The following PEAK1 variants were observed in gnomAD, a reference collection of about 807,000 sequenced individuals.
PEAK1 encodes the protein inactive tyrosine-protein kinase PEAK1.
PEAK1 carries 54 observed loss-of-function variants against 124.7 expected under a neutral mutation model. That is an observed-to-expected ratio of 0.43 (90% CI 0.35 to 0.54). PEAK1 has a LOEUF of 0.54. Ranked by LOEUF, PEAK1 falls within the 20% of genes least tolerant of loss-of-function variation. The pLI is 0.01. For missense variants in PEAK1, 2,046 were observed against 2,134.5 expected (o/e 0.96, Z 0.82); for synonymous variants, 719 against 760.0 (o/e 0.95, Z 0.89).
chr15:77,251,210 A>G (rs2060865723), intron 6 of PEAK1, among the ~76,000 whole-genome samples: 1 of 152,228 alleles, frequency 6.6e-6, no homozygotes, highest in Admixed American at 6.5e-5. Context: ...AATCTTTACA[A>G]AACATGCATT....
rs550659680 is a variant in PEAK1 at position 77,142,565 on chromosome 15, C to T, written c.3332-8815G>A. On this transcript the variant is annotated intron_variant, in intron 8 of 9. Transcript: ENST00000682557. ...AAAAAGTAGAAACAAACCAGATGTC[C>T]ATCACCTGATGAATGGATAAATTAA... 2.6e-5 allele frequency among the ~76,000 whole-genome samples: 4 copies of T among 152,284 alleles called. No individual in the cohort carries two copies. In the South Asian group the frequency reaches 8.3e-4, roughly 32 times the overall value.
At chr15:77,239,145 T>C (rs999200034) in intron 6 of PEAK1, among the ~76,000 whole-genome samples, 3 of 152,212 alleles carry the variant, frequency 2.0e-5, no homozygotes, top group South Asian at 2.1e-4. Flanking sequence ...AAGTTTCAAA[T>C]AGATATGTTT....
At chr15:77,335,850 C>T (rs998042480) in intron 2 of PEAK1, 1 of 985,184 alleles carries the variant, frequency 1.0e-6, no homozygotes, top group African/African-American at 1.7e-5. Flanking sequence ...TCCATTTTAC[C>T]AATTCAAAGA....
intron 6 of PEAK1, among the ~76,000 whole-genome samples, chr15:77,240,736 A>G (rs948827614): frequency 1.3e-5 from 2 of 152,118 alleles, no homozygotes; most frequent in African/African-American, 4.8e-5. Context: ...TCATTTAGAG[A>G]CCTAAACTAA....
intron 9 of PEAK1, among the ~76,000 whole-genome samples, chr15:77,127,806 G>A (rs949078617): frequency 1.4e-4 from 21 of 152,190 alleles, no homozygotes; most frequent in Non-Finnish European, 2.4e-4. Flanking sequence ...GAGGCCAGGC[G>A]TTGTGGCTCA....
intron 2 of PEAK1, chr15:77,349,928 G>A (rs1318214602): frequency 1.1e-5 from 11 of 984,300 alleles, no homozygotes; most frequent in African/African-American, 8.7e-5. Flanking sequence ...TGAGTGTCAC[G>A]AAGAAAATAT....
In PEAK1 at chr15:77,180,166, T is replaced by C. The variant is rs1306443228; in HGVS notation, c.1761A>G (p.Ser587=). The C allele has an allele frequency of 3.7e-6, 6 of 1,613,978 alleles. No homozygotes were observed. In the South Asian group the frequency reaches 4.4e-5, roughly 12 times the overall value. ...NISSKTIPVK[S]PNLSEIKFNS... The stretch of plus-strand genomic sequence containing the variant: ...TAAATTTAATTTCAGACAAATTAGG[T>C]GACTTAACAGGGATGGTTTTGGAGG... Residue 587 remains serine, a synonymous_variant, in exon 7 of 10, where the codon TCA becomes TCG. Coordinates refer to ENST00000682557, the MANE Select transcript of PEAK1 (RefSeq NM_001385026.1).
chr15:77,378,464 T>C (rs536517464), intron 1 of PEAK1, among the ~76,000 whole-genome samples: 2 of 152,144 alleles, frequency 1.3e-5, no homozygotes, highest in Admixed American at 1.3e-4. Context: ...TACTTCACGG[T>C]ATTATTTACA....
Position 77,354,858 on chromosome 15 carries a change from T to C in PEAK1, c.-603+10305A>G, listed in dbSNP as rs565771222. On this transcript the variant is annotated intron_variant, in intron 2 of 9. Coordinates refer to ENST00000682557, the MANE Select transcript of PEAK1 (RefSeq NM_001385026.1). Reference sequence around the variant, plus strand: ...ATCAAGGCCATCCTGGCTAACACGGTGAAACCCTGTCTCTACTAAAAATAC... The same window carrying C: ...ATCAAGGCCATCCTGGCTAACACGGCGAAACCCTGTCTCTACTAAAAATAC... Among the ~76,000 whole-genome samples the C allele has an allele frequency of 2.6e-5, 4 of 152,072 alleles. No individual in the cohort carries two copies. The East Asian group carries it at 7.7e-4, about 29-fold the overall frequency.
chr15:77,256,857 C>T (rs1336746324), intron 5 of PEAK1, among the ~76,000 whole-genome samples: 3 of 151,948 alleles, frequency 2.0e-5, no homozygotes, highest in East Asian at 3.9e-4. Flanking sequence ...GCTATATCTC[C>T]TAATGCTATC....
intron 2 of PEAK1, among the ~76,000 whole-genome samples, chr15:77,339,287 A>G (rs1397851658): frequency 6.6e-6 from 1 of 151,664 alleles, no homozygotes; most frequent in Non-Finnish European, 1.5e-5. Context: ...GTTTTTTTGT[A>G]GATATGGGGT....
chr15:77,180,530 T>G lies in PEAK1; in HGVS notation c.1397A>C (p.Asn466Thr). 6.2e-7 allele frequency: 1 copy of G among 1,614,118 alleles called. No individual in the cohort carries two copies. The highest frequency in any genetic ancestry group is 8.5e-7 in the Non-Finnish European group (1 of 1,179,996). Residue 466 changes from asparagine to threonine, a missense_variant, in exon 7 of 10, where the codon AAC (asparagine) becomes ACC (threonine). Transcript: ENST00000682557. ...TGGCTTGCACAATGGCTGTTCCAGG[T>G]TCACAACTCGGTAAGGTTTTGCTTG... is the stretch of plus-strand genomic sequence containing the variant. ...EEQAKPYRVV[N>T]LEQPLCKPYT...
At chr15:77,416,549 A>AT (rs1041897647) in intron 1 of PEAK1, among the ~76,000 whole-genome samples, 6 of 152,022 alleles carry the variant, frequency 3.9e-5, no homozygotes, top group Non-Finnish European at 8.8e-5. Context: ...CCACAGCATA[A>AT]TTTTTTTTCC....
intron 6 of PEAK1, among the ~76,000 whole-genome samples, chr15:77,247,095 TTATCA>T (rs2152920044): frequency 6.6e-6 from 1 of 152,366 alleles, no homozygotes; most frequent in Admixed American, 6.5e-5. Flanking sequence ...AATTCACCAC[TTATCA>T]TTAGTTCTAG....
At chr15:77,391,160 G>A (rs1025524392) in intron 1 of PEAK1, among the ~76,000 whole-genome samples, 2 of 152,096 alleles carry the variant, frequency 1.3e-5, no homozygotes, top group African/African-American at 2.4e-5. Context: ...GGTTGAGGCA[G>A]CCCAGACCCA....
At chr15:77,335,816 G>A (rs942766073) in intron 2 of PEAK1, 1 of 985,308 alleles carries the variant, frequency 1.0e-6, no homozygotes, top group Non-Finnish European at 1.2e-6. Context: ...ATTAATCCAT[G>A]CTTCTAGGTA....
chr15:77,209,747 C>T (rs911645868), intron 6 of PEAK1, among the ~76,000 whole-genome samples: 2 of 152,022 alleles, frequency 1.3e-5, no homozygotes, highest in Non-Finnish European at 2.9e-5. Flanking sequence ...AATAATGACC[C>T]CACAAAGATG....
rs74992561 is a variant in PEAK1, at chr15:77,327,440, T to G, written c.-603+37723A>C. ...AAAACTCACACTTGGCACTAATGTATTCTAAACATCTGTCTGTATTTCTTT... is the reference window on the plus strand; with the variant it reads ...AAAACTCACACTTGGCACTAATGTAGTCTAAACATCTGTCTGTATTTCTTT... On this transcript the variant is annotated intron_variant, in intron 2 of 9. Coordinates refer to ENST00000682557, the MANE Select transcript of PEAK1 (RefSeq NM_001385026.1). Among the ~76,000 whole-genome samples the G allele has an allele frequency of 4.5e-3, 686 of 152,226 alleles. 2 individuals carry two copies. The highest frequency in any genetic ancestry group is 0.014 in the African/African-American group (584 of 41,562).
Position 77,420,049 on chromosome 15 carries a change from GT to G in PEAK1, c.-710del, listed in dbSNP as rs2073257027. ...GCCGCGGCGACCACCATCACCGTCC[GT>G]CCCGTCCCCTTCCTGGTGACCACGG... is the stretch of plus-strand genomic sequence containing the variant. On this transcript the variant is annotated 5_prime_UTR_variant, in exon 1 of 10. Transcript: ENST00000682557. The G allele has an allele frequency of 2.0e-5, 3 of 150,142 alleles. No individual in the cohort carries two copies. In the South Asian group the frequency reaches 6.1e-4, roughly 31 times the overall value. 9.3% of individuals were successfully genotyped at this position (150,142 alleles called of 1,614,324 possible).
Sources: allele counts gnomAD v4.1 joint callset (sites outside exome capture counted in the v4.1 genomes callset), GRCh38; gene constraint gnomAD v4.1.1; transcripts MANE v1.5; gene names NCBI Gene and HGNC (gene_info 2026-07-23, HGNC 2026-07-21).